The following ROBO2 variants were observed in gnomAD, a reference collection of about 807,000 sequenced individuals.
The protein encoded by ROBO2 is roundabout homolog 2.
In ROBO2, 53 loss-of-function variants were observed where a neutral mutation model predicts 160.8. That is an observed-to-expected ratio of 0.33 (90% CI 0.26 to 0.41). ROBO2 has a LOEUF of 0.41. ROBO2 is among the 10% of genes least tolerant of loss of function. The pLI is 1.00. For synonymous variants in ROBO2, 664 were observed against 611.7 expected, an observed-to-expected ratio of 1.09 and a Z score of -1.26; for missense variants, 1,577 against 1,722.4, an observed-to-expected ratio of 0.92 and a Z score of 1.49.
chr3:76,634,613 C>T (rs948450585), intron 2 of ROBO2, among the ~76,000 whole-genome samples: 1 of 151,128 alleles, frequency 6.6e-6, no homozygotes, highest in Admixed American at 6.6e-5. Flanking sequence ...GAATTAAGGA[C>T]CACTCTAATG....
chr3:77,098,859 A>AAAC lies in ROBO2; in HGVS notation c.388+521_388+522insCAA, dbSNP rs1560004938. 4.2e-3 allele frequency among the ~76,000 whole-genome samples: 565 copies of AAAC among 135,386 alleles called. 2 individuals carry two copies. Among genetic ancestry groups the AAAC allele is most frequent in the Non-Finnish European group, 4.9e-3 (320 of 65,594 alleles). The allele number at this position is 135,386 out of a possible 152,430, so 88.8% of individuals were successfully genotyped here. ...CGACAGAGCGAGACTCCGTCTCAAAAAAACAAACAAACAAACAAACAAACA... is the reference window on the plus strand; with the variant it reads ...CGACAGAGCGAGACTCCGTCTCAAAAAACAAACAAACAAACAAACAAACAAACA... On this transcript the variant is annotated intron_variant, in intron 2 of 25. Transcript: ENST00000461745.
chr3:76,416,423 T>TGG (rs377366226), intron 2 of ROBO2, among the ~76,000 whole-genome samples: 13 of 151,990 alleles, frequency 8.6e-5, no homozygotes, highest in African/African-American at 3.1e-4. Context: ...ACTGTGTGTG[T>TGG]GTGGGGGGGA....
At chr3:76,031,884 TG>T (rs2107712795) in intron 2 of ROBO2, among the ~76,000 whole-genome samples, 1 of 152,316 alleles carries the variant, frequency 6.6e-6, no homozygotes, top group African/African-American at 2.4e-5. Context: ...CCTCATAAAA[TG>T]AGTTAGGGAG....
At chr3:76,856,507 ATGT>A (rs1449276843) in intron 2 of ROBO2, among the ~76,000 whole-genome samples, 1 of 152,188 alleles carries the variant, frequency 6.6e-6, no homozygotes, top group Non-Finnish European at 1.5e-5. Flanking sequence ...TATAGTCCTC[ATGT>A]TGTATATTTG....
intron 1 of ROBO2, among the ~76,000 whole-genome samples, chr3:77,044,740 C>A (rs2064464386): frequency 6.6e-6 from 1 of 152,098 alleles, no homozygotes; most frequent in Non-Finnish European, 1.5e-5. Flanking sequence ...CTATATATAG[C>A]TTTATGCAAA....
At chr3:76,723,054 G>T (rs2093490028) in intron 2 of ROBO2, among the ~76,000 whole-genome samples, 1 of 152,036 alleles carries the variant, frequency 6.6e-6, no homozygotes, top group Admixed American at 6.6e-5. Context: ...ACTAAAATTA[G>T]AATATGATTA....
chr3:77,329,065 C>A (rs1438365942), intron 2 of ROBO2, among the ~76,000 whole-genome samples: 1 of 152,160 alleles, frequency 6.6e-6, no homozygotes, highest in Non-Finnish European at 1.5e-5. Context: ...CCAAGTCTCC[C>A]TAAAACCCAC....
At chr3:76,199,755 A>G (rs1474986208) in intron 2 of ROBO2, among the ~76,000 whole-genome samples, 2 of 152,158 alleles carry the variant, frequency 1.3e-5, no homozygotes, top group African/African-American at 4.8e-5. Flanking sequence ...CAACCAGAGA[A>G]AGCCAAATAT....
chr3:76,484,192 A>G (rs1361358116), intron 2 of ROBO2, among the ~76,000 whole-genome samples: 1 of 152,174 alleles, frequency 6.6e-6, no homozygotes, highest in Non-Finnish European at 1.5e-5. Flanking sequence ...ATTAAAATAA[A>G]AGTTTGCAAA....
chr3:75,980,536 T>C (rs1413755538), intron 2 of ROBO2, among the ~76,000 whole-genome samples: 4 of 151,582 alleles, frequency 2.6e-5, no homozygotes, highest in African/African-American at 7.3e-5. Context: ...TCAGCACCCA[T>C]GGCTGTGGAG....
intron 2 of ROBO2, among the ~76,000 whole-genome samples, chr3:76,442,183 C>G (rs1258393968): frequency 1.3e-5 from 2 of 152,124 alleles, no homozygotes; most frequent in East Asian, 3.9e-4. Context: ...TACCTCAGAA[C>G]TCAATTCATT....
At chr3:77,630,069 C>T (rs926744490) in intron 23 of ROBO2, 4 of 152,066 alleles carry the variant, frequency 2.6e-5, no homozygotes, top group African/African-American at 9.7e-5. Flanking sequence ...ATGGTGATAA[C>T]AGAAATGGCA....
chr3:77,472,958 G>T (rs192514626), intron 2 of ROBO2, among the ~76,000 whole-genome samples: 225 of 152,084 alleles, frequency 1.5e-3, no homozygotes, highest in African/African-American at 5.2e-3. Context: ...TCGTTGCCTC[G>T]TGCCAAGGAA....
rs185828242 is a variant in ROBO2, at chr3:75,960,836, A to G, written c.109+23234A>G. ...CTTCCTAAATTACAGAGTTGGGATC[A>G]AATATGAATTAGAAATATAAATATG... is the stretch of plus-strand genomic sequence containing the variant. On this transcript the variant is annotated intron_variant, in intron 2 of 26. Transcript: ENST00000487694. Among the ~76,000 whole-genome samples, 128 of 151,914 alleles carry G rather than the reference A, an allele frequency of 8.4e-4. 1 individual carries two copies. The highest frequency in any genetic ancestry group is 2.8e-3 in the Admixed American group (42 of 15,216).
chr3:76,921,438 C>A (rs1577495960), intron 2 of ROBO2, among the ~76,000 whole-genome samples: 1 of 152,180 alleles, frequency 6.6e-6, no homozygotes, highest in South Asian at 2.1e-4. Flanking sequence ...ATGGTGAAAT[C>A]CCATCTCCAC....
intron 2 of ROBO2, among the ~76,000 whole-genome samples, chr3:76,372,691 G>A (rs1457448248): frequency 5.3e-5 from 8 of 151,898 alleles, no homozygotes; most frequent in Admixed American, 2.0e-4. Flanking sequence ...TGAGTTGGTC[G>A]TCATGGGAGT....
intron 2 of ROBO2, among the ~76,000 whole-genome samples, chr3:77,250,637 A>C (rs1201953103): frequency 1.3e-5 from 2 of 152,154 alleles, no homozygotes; most frequent in Admixed American, 1.3e-4. Flanking sequence ...AATACCTGAG[A>C]CTAAGTAATT....
In ROBO2 at chr3:76,336,063, C is replaced by T. The variant is rs182479830; in HGVS notation, c.109+398461C>T. ...AAGTAGTGGCTTAAATAAATAGATA[C>T]GTATTTCTCTCATGAAAAAGATTGA... On this transcript the variant is annotated intron_variant, in intron 2 of 26. Coordinates refer to the ROBO2 transcript ENST00000487694. Among the ~76,000 whole-genome samples the T allele has an allele frequency of 9.3e-4, 142 of 152,224 alleles. 4 individuals carry two copies. The highest frequency in any genetic ancestry group is 8.0e-3 in the Admixed American group (123 of 15,290).
intron 2 of ROBO2, among the ~76,000 whole-genome samples, chr3:76,130,070 T>G (rs1373321846): frequency 6.6e-6 from 1 of 152,074 alleles, no homozygotes; most frequent in Non-Finnish European, 1.5e-5. Flanking sequence ...GATTAAAAAA[T>G]AAAAGTCGGA....
Sources: allele counts gnomAD v4.1 joint callset (sites outside exome capture counted in the v4.1 genomes callset), GRCh38; gene constraint gnomAD v4.1.1; transcripts MANE v1.5; gene names NCBI Gene and HGNC (gene_info 2026-07-23, HGNC 2026-07-21).